Variants in DRC9 observed in about 807,000 individuals in gnomAD.
DRC9 encodes the protein dynein regulatory complex protein 9.
chr3:197,943,111 C>CA, the DRC9 span, among the ~76,000 whole-genome samples: 1 of 152,104 alleles, frequency 6.6e-6, no homozygotes, highest in Admixed American at 6.6e-5. Flanking sequence ...TCATCAATGA[C>CA]AACAAAGTCA....
At chr3:197,946,230 T>C in the DRC9 span, among the ~76,000 whole-genome samples, 1 of 151,506 alleles carries the variant, frequency 6.6e-6, no homozygotes, top group African/African-American at 2.4e-5. Context: ...GGTCAGGAGA[T>C]CGAGACCATC....
the DRC9 span, among the ~76,000 whole-genome samples, chr3:197,920,140 C>G: frequency 8.6e-5 from 13 of 151,878 alleles, no homozygotes; most frequent in Admixed American, 4.6e-4. Flanking sequence ...ACCTGGGAGG[C>G]AGAGGTTGTA....
the DRC9 span, among the ~76,000 whole-genome samples, chr3:197,927,451 C>T: frequency 6.6e-6 from 1 of 152,226 alleles, no homozygotes; most frequent in East Asian, 1.9e-4. Context: ...GTCTCGAATT[C>T]CTGACGTCAG....
the DRC9 span, chr3:197,891,593 A>G: frequency 9.2e-7 from 1 of 1,085,636 alleles, no homozygotes; most frequent in Non-Finnish European, 1.4e-6. Context: ...TCTCTTGGCT[A>G]AGCTGTAGCC....
chr3:197,921,558 G>T, the DRC9 span, among the ~76,000 whole-genome samples: 4 of 131,382 alleles, frequency 3.0e-5, no homozygotes, highest in East Asian at 2.3e-4. Flanking sequence ...ACTTGGTTTC[G>T]TCTTGGTCGA....
At chr3:197,927,887 C>G in the DRC9 span, among the ~76,000 whole-genome samples, 1 of 137,866 alleles carries the variant, frequency 7.3e-6, no homozygotes, top group East Asian at 2.2e-4. Context: ...TGTTCTCATT[C>G]ATAGGTGGGA....
At chr3:197,905,852 AAGAAG>A in the DRC9 span, among the ~76,000 whole-genome samples, 446 of 152,272 alleles carry the variant, frequency 2.9e-3, 5 homozygotes, top group African/African-American at 0.01. Context: ...TAACATATTA[AAGAAG>A]AGAAAACAAT....
At chr3:197,889,598 C>T in the DRC9 span, 4 of 1,614,224 alleles carry the variant, frequency 2.5e-6, no homozygotes, top group Non-Finnish European at 3.4e-6. Context: ...TCTTGCCTCT[C>T]CTCTTATCCT....
the DRC9 span, chr3:197,957,543 C>T: frequency 1.2e-3 from 178 of 152,102 alleles, 2 homozygotes; most frequent in African/African-American, 3.9e-3. Flanking sequence ...CTGCACGCTC[C>T]GCCTCCCGGG....
chr3:197,931,816 G>T, the DRC9 span, among the ~76,000 whole-genome samples: 1 of 151,920 alleles, frequency 6.6e-6, no homozygotes, highest in Non-Finnish European at 1.5e-5. Flanking sequence ...TAGTAGAGAT[G>T]GGGTTTCACC....
the DRC9 span, among the ~76,000 whole-genome samples, chr3:197,896,752 T>C: frequency 6.6e-6 from 1 of 152,220 alleles, no homozygotes. Context: ...TGAGGTCTCT[T>C]TTTTAAGGGC....
chr3:197,911,990 T>A, the DRC9 span, among the ~76,000 whole-genome samples: 6 of 151,600 alleles, frequency 4.0e-5, no homozygotes, highest in South Asian at 2.1e-4. Flanking sequence ...TTGGGAAAAA[T>A]TTTTAAATAT....
chr3:197,913,886 T>A, the DRC9 span: 7 of 1,614,042 alleles, frequency 4.3e-6, no homozygotes, highest in Non-Finnish European at 5.9e-6. Context: ...ATTACCTCAA[T>A]CTCTTCCACC....
the DRC9 span, among the ~76,000 whole-genome samples, chr3:197,948,047 C>T: frequency 6.6e-6 from 1 of 150,894 alleles, no homozygotes; most frequent in Non-Finnish European, 1.5e-5. Flanking sequence ...ATTCTTGTAC[C>T]TCAGCCTCCC....
chr3:197,955,633 C>A, the DRC9 span: 1 of 944,590 alleles, frequency 1.1e-6, no homozygotes, highest in Non-Finnish European at 1.7e-6. Context: ...AAAAACTTTC[C>A]TTACCACTAG....
the DRC9 span, chr3:197,951,056 AAACTT>A: frequency 5.6e-6 from 9 of 1,605,394 alleles, no homozygotes; most frequent in Non-Finnish European, 7.7e-6. Flanking sequence ...TGGCAAGAAA[AAACTT>A]AGATGTTTGC....
chr3:197,908,780 G>C, the DRC9 span, among the ~76,000 whole-genome samples: 1 of 143,458 alleles, frequency 7.0e-6, no homozygotes, highest in African/African-American at 2.6e-5. Flanking sequence ...GGTGGTGACT[G>C]TACCAGGTCT....
At chr3:197,943,717 C>T in the DRC9 span, 1 of 1,370,178 alleles carries the variant, frequency 7.3e-7, no homozygotes, top group South Asian at 1.2e-5. Flanking sequence ...GGGATAGGTA[C>T]TATAAATGAG....
At chr3:197,930,698 G>T in the DRC9 span, among the ~76,000 whole-genome samples, 1 of 147,572 alleles carries the variant, frequency 6.8e-6, no homozygotes, top group South Asian at 2.1e-4. Flanking sequence ...TCGTGCCACT[G>T]CACTTTGGCC....
Sources: gnomAD v4.1 joint callset for allele counts (sites outside exome capture counted in the v4.1 genomes callset) on GRCh38, gnomAD v4.1.1 for gene constraint, MANE v1.5 for transcripts, NCBI Gene and HGNC (gene_info 2026-07-23, HGNC 2026-07-21) for gene names.